Variants in SRGAP3 observed in about 807,000 individuals in gnomAD.
The protein encoded by SRGAP3 is SLIT-ROBO Rho GTPase-activating protein 3.
A neutral mutation model predicts 121.1 loss-of-function variants in SRGAP3; 39 were observed. The ratio of observed to expected loss-of-function variants is 0.32; its 90% CI spans 0.25 to 0.42. SRGAP3 has a LOEUF of 0.42. Ranked by LOEUF, SRGAP3 falls within the 10% of genes least tolerant of loss-of-function variation. The pLI, the probability that SRGAP3 is intolerant of heterozygous loss-of-function variation, is 1.00. For missense variants in SRGAP3, 1,213 were observed against 1,470.6 expected (o/e 0.82, Z 2.86); for synonymous variants, 601 against 570.0 (o/e 1.05, Z -0.77).
chr3:9,007,058 C>T (rs533590494), intron 18 of SRGAP3: 1 of 148,694 alleles, frequency 6.7e-6, no homozygotes, highest in Admixed American at 6.9e-5. Context: ...CCTCCCTGGG[C>T]TTAAGTAATT....
intron 1 of SRGAP3, among the ~76,000 whole-genome samples, chr3:9,350,981 G>A (rs1350223060): frequency 6.6e-6 from 1 of 152,190 alleles, no homozygotes; most frequent in Non-Finnish European, 1.5e-5. Flanking sequence ...TCATGTGACT[G>A]TAGTCAGATG....
At chr3:9,016,645 C>T (rs1943652082) in intron 14 of SRGAP3, among the ~76,000 whole-genome samples, 1 of 152,118 alleles carries the variant, frequency 6.6e-6, no homozygotes, top group African/African-American at 2.4e-5. Context: ...AAATGATACT[C>T]GAAGTGTCAA....
intron 2 of SRGAP3, among the ~76,000 whole-genome samples, chr3:9,123,162 G>T (rs529053237): frequency 6.6e-6 from 1 of 152,288 alleles, no homozygotes; most frequent in Non-Finnish European, 1.5e-5. Flanking sequence ...TAGAATGGTA[G>T]TTGCCGGCAG....
chr3:9,183,105 T>G (rs1451490917), intron 1 of SRGAP3, among the ~76,000 whole-genome samples: 3 of 152,080 alleles, frequency 2.0e-5, no homozygotes, highest in African/African-American at 7.2e-5. Flanking sequence ...TCAGACCCAT[T>G]GAACAGAGGA....
intron 3 of SRGAP3, among the ~76,000 whole-genome samples, chr3:9,287,136 C>T (rs1421805896): frequency 1.3e-5 from 2 of 151,834 alleles, no homozygotes; most frequent in Non-Finnish European, 2.9e-5. Flanking sequence ...GGACTACAGG[C>T]AGGTGCCACC....
At chr3:9,336,890 C>T (rs1276565877) in intron 1 of SRGAP3, among the ~76,000 whole-genome samples, 1 of 151,946 alleles carries the variant, frequency 6.6e-6, no homozygotes, top group East Asian at 1.9e-4. Context: ...CTGCCAATTT[C>T]TCTCTCTCTC....
chr3:9,154,325 G>T (rs920415194), intron 1 of SRGAP3, among the ~76,000 whole-genome samples: 5 of 151,976 alleles, frequency 3.3e-5, no homozygotes, highest in Admixed American at 3.3e-4. Flanking sequence ...GAGGTAAGAC[G>T]CTAAACAACG....
chr3:9,199,060 G>GC (rs772848353), intron 1 of SRGAP3, among the ~76,000 whole-genome samples: 9 of 151,934 alleles, frequency 5.9e-5, no homozygotes, highest in Non-Finnish European at 1.3e-4. Context: ...TCCAATATCT[G>GC]CCCCCCCTTC....
chr3:9,184,661 A>G (rs779385297), intron 1 of SRGAP3, among the ~76,000 whole-genome samples: 6 of 152,200 alleles, frequency 3.9e-5, no homozygotes, highest in Non-Finnish European at 7.3e-5. Context: ...CGGAAGTTCC[A>G]TGAGGACATG....
In SRGAP3 at chr3:9,340,713, C is replaced by T. The variant is rs557114679; in HGVS notation, n.215-10117G>A. ...AGAAACAATAAAATGAGTACCCAGC[C>T]CCATTTCTTGATGTGTACAAGAGCC... On this transcript the variant is annotated intron_variant and non_coding_transcript_variant, in intron 1 of 3. Transcript: ENST00000490889. Among the ~76,000 whole-genome samples, 5 of 152,128 alleles carry T rather than the reference C, an allele frequency of 3.3e-5. No homozygotes were observed. The East Asian group carries it at 7.7e-4, about 24-fold the overall frequency.
intron 2 of SRGAP3, among the ~76,000 whole-genome samples, chr3:9,120,630 C>T (rs1394182024): frequency 3.9e-5 from 6 of 152,216 alleles, no homozygotes; most frequent in African/African-American, 1.4e-4. Flanking sequence ...GTAAGCAGCT[C>T]AGCTTTTCTG....
intron 2 of SRGAP3, among the ~76,000 whole-genome samples, chr3:9,111,572 T>A (rs545316307): frequency 1.3e-5 from 2 of 152,296 alleles, no homozygotes; most frequent in African/African-American, 4.8e-5. Flanking sequence ...CCTGCCCCCA[T>A]CTGGCTCACA....
intron 2 of SRGAP3, 31 bp downstream of exon 2, chr3:9,124,694 C>T: frequency 6.2e-7 from 1 of 1,613,402 alleles, no homozygotes; most frequent in South Asian, 1.1e-5. Context: ...TGCTGCCTCC[C>T]ATCTCTGTGC....
intron 1 of SRGAP3, among the ~76,000 whole-genome samples, chr3:9,247,206 A>T (rs1485373453): frequency 6.6e-6 from 1 of 152,228 alleles, no homozygotes; most frequent in East Asian, 1.9e-4. Context: ...CCCTAAAAAG[A>T]GTCTATTCAA....
intron 3 of SRGAP3, among the ~76,000 whole-genome samples, chr3:9,088,127 G>A (rs1024905854): frequency 3.3e-5 from 5 of 152,114 alleles, no homozygotes; most frequent in African/African-American, 7.2e-5. Flanking sequence ...GATCTCCAGC[G>A]ACACCATACC....
At chr3:9,068,751 T>C (rs1026094503) in intron 4 of SRGAP3, among the ~76,000 whole-genome samples, 2 of 152,190 alleles carry the variant, frequency 1.3e-5, no homozygotes, top group South Asian at 4.1e-4. Context: ...ATGCATTAAA[T>C]AATATTTAAC....
At chr3:9,130,480 T>A (rs1243011091) in intron 1 of SRGAP3, among the ~76,000 whole-genome samples, 1 of 152,116 alleles carries the variant, frequency 6.6e-6, no homozygotes, top group Non-Finnish European at 1.5e-5. Flanking sequence ...GTTTCTCCAC[T>A]TTTTCCCCAT....
At chr3:9,099,301 C>T (rs1948114047) in intron 3 of SRGAP3, among the ~76,000 whole-genome samples, 1 of 152,234 alleles carries the variant, frequency 6.6e-6, no homozygotes, top group African/African-American at 2.4e-5. Flanking sequence ...CTCATTAGTG[C>T]TTCCTCCCAA....
intron 1 of SRGAP3, among the ~76,000 whole-genome samples, chr3:9,169,672 A>C (rs986119): frequency 0.33 from 50,589 of 152,184 alleles, 9,220 homozygotes; most frequent in Non-Finnish European, 0.42. Flanking sequence ...CTTGGCATCA[A>C]TTAGGCCAAC....
Sources: allele counts gnomAD v4.1 joint callset (sites outside exome capture counted in the v4.1 genomes callset), GRCh38; gene constraint gnomAD v4.1.1; transcripts MANE v1.5; gene names NCBI Gene and HGNC (gene_info 2026-07-23, HGNC 2026-07-21).